The following ZSWIM5 variants were observed in gnomAD, a reference collection of about 807,000 sequenced individuals.
ZSWIM5 encodes zinc finger SWIM-type containing 5.
A neutral mutation model predicts 119.6 loss-of-function variants in ZSWIM5; 55 were observed. The ratio of observed to expected loss-of-function variants is 0.46; its 90% CI spans 0.37 to 0.58. ZSWIM5 has a LOEUF of 0.58. Ranked by LOEUF, ZSWIM5 falls within the 20% of genes least tolerant of loss-of-function variation. ZSWIM5 has a pLI of 0.00. For synonymous variants in ZSWIM5, 537 were observed against 606.9 expected, an observed-to-expected ratio of 0.88 and a Z score of 1.69; for missense variants, 1,193 against 1,512.8, an observed-to-expected ratio of 0.79 and a Z score of 3.51.
chr1:45,126,917 T>C (rs979316861), intron 1 of ZSWIM5, among the ~76,000 whole-genome samples: 1 of 152,176 alleles, frequency 6.6e-6, no homozygotes, highest in African/African-American at 2.4e-5. Context: ...CAGCTCACTA[T>C]GGCCTGGAAC....
chr1:45,101,573 T>C (rs1645439734), intron 1 of ZSWIM5, among the ~76,000 whole-genome samples: 1 of 152,188 alleles, frequency 6.6e-6, no homozygotes, highest in South Asian at 2.1e-4. Context: ...ATCATGCTAC[T>C]ATAAAGACAC....
At chr1:45,140,247 T>C (rs2149033970) in intron 1 of ZSWIM5, among the ~76,000 whole-genome samples, 1 of 152,332 alleles carries the variant, frequency 6.6e-6, no homozygotes, top group East Asian at 1.9e-4. Flanking sequence ...AAAGTTTTAT[T>C]GGGATACAGC....
intron 1 of ZSWIM5, among the ~76,000 whole-genome samples, chr1:45,122,350 C>G (rs1186876950): frequency 6.6e-6 from 1 of 152,196 alleles, no homozygotes; most frequent in African/African-American, 2.4e-5. Flanking sequence ...GCAAAACACT[C>G]AGACTAGTGC....
intron 1 of ZSWIM5, among the ~76,000 whole-genome samples, chr1:45,175,640 C>T (rs547045945): frequency 1.9e-4 from 29 of 151,762 alleles, no homozygotes; most frequent in Admixed American, 5.9e-4. Context: ...TTTGTAGAGA[C>T]GGTGTTTTGC....
At chr1:45,029,587 C>T (rs1047520254) in intron 11 of ZSWIM5, among the ~76,000 whole-genome samples, 3 of 152,190 alleles carry the variant, frequency 2.0e-5, no homozygotes, top group Admixed American at 6.5e-5. Context: ...TACCTTGAGA[C>T]TATATGAATA....
chr1:45,081,289 C>T (rs943959057), intron 2 of ZSWIM5, among the ~76,000 whole-genome samples: 1 of 151,472 alleles, frequency 6.6e-6, no homozygotes, highest in African/African-American at 2.4e-5. Context: ...CCATGGTCTC[C>T]CTCTCCCCAT....
chr1:45,144,965 C>T (rs1188805089), intron 1 of ZSWIM5, among the ~76,000 whole-genome samples: 1 of 151,798 alleles, frequency 6.6e-6, no homozygotes, highest in Non-Finnish European at 1.5e-5. Context: ...TCTAAAAACT[C>T]AAAATAAGAA....
At chr1:45,146,161 C>T (rs1257982901) in intron 1 of ZSWIM5, among the ~76,000 whole-genome samples, 1 of 152,008 alleles carries the variant, frequency 6.6e-6, no homozygotes, top group Non-Finnish European at 1.5e-5. Context: ...CTACAAAAGA[C>T]AGTAAAGAGA....
At chr1:45,140,760 T>C (rs572885882) in intron 1 of ZSWIM5, among the ~76,000 whole-genome samples, 4 of 152,348 alleles carry the variant, frequency 2.6e-5, no homozygotes, top group African/African-American at 9.6e-5. Context: ...AAGCACACTT[T>C]ACTCTCTCCC....
chr1:45,112,038 C>T (rs748735259), intron 1 of ZSWIM5, among the ~76,000 whole-genome samples: 1 of 152,076 alleles, frequency 6.6e-6, no homozygotes, highest in East Asian at 1.9e-4. Flanking sequence ...AATTGACACA[C>T]CATAATTGCA....
At chr1:45,034,504 C>T (rs1644971310) in intron 10 of ZSWIM5, 35 bp from the exon 11 acceptor site, 1 of 1,564,442 alleles carries the variant, frequency 6.4e-7, no homozygotes, top group Non-Finnish European at 8.7e-7. Flanking sequence ...AGCCACCATC[C>T]AGACCCTGGG....
At chr1:45,171,598 A>G (rs886141736) in intron 1 of ZSWIM5, among the ~76,000 whole-genome samples, 1 of 152,082 alleles carries the variant, frequency 6.6e-6, no homozygotes, top group Non-Finnish European at 1.5e-5. Flanking sequence ...AAGATAGGAC[A>G]TCATACTATT....
At chr1:45,033,366 T>A (rs1287107774) in intron 11 of ZSWIM5, among the ~76,000 whole-genome samples, 3 of 152,278 alleles carry the variant, frequency 2.0e-5, no homozygotes, top group Non-Finnish European at 4.4e-5. Flanking sequence ...GGGGGGACAA[T>A]AAGAAGATAC....
intron 1 of ZSWIM5, among the ~76,000 whole-genome samples, chr1:45,089,235 G>C (rs1236409694): frequency 6.6e-6 from 1 of 152,144 alleles, no homozygotes; most frequent in Non-Finnish European, 1.5e-5. Flanking sequence ...CTTTGGCTCA[G>C]CCTCCCAAAG....
intron 2 of ZSWIM5, among the ~76,000 whole-genome samples, chr1:45,075,685 G>C (rs1025354836): frequency 6.6e-6 from 1 of 151,902 alleles, no homozygotes; most frequent in African/African-American, 2.4e-5. Flanking sequence ...CTTTTTATTG[G>C]AGAGTTTAGT....
At chr1:45,184,219 C>G (rs1646042200) in intron 1 of ZSWIM5, among the ~76,000 whole-genome samples, 1 of 152,096 alleles carries the variant, frequency 6.6e-6, no homozygotes, top group Non-Finnish European at 1.5e-5. Context: ...TAAAAACTCT[C>G]AATAAATTAG....
At chr1:45,201,938 C>T (rs147911145) in intron 1 of ZSWIM5, among the ~76,000 whole-genome samples, 4 of 152,014 alleles carry the variant, frequency 2.6e-5, no homozygotes, top group African/African-American at 9.6e-5. Context: ...CTGAGAAATC[C>T]ATTCTTAACG....
At chr1:45,136,294 T>C (rs1330825888) in intron 1 of ZSWIM5, among the ~76,000 whole-genome samples, 1 of 152,192 alleles carries the variant, frequency 6.6e-6, no homozygotes, top group Non-Finnish European at 1.5e-5. Context: ...ATTTATTTCA[T>C]ATATTAAACA....
In ZSWIM5 at chr1:45,034,583, A is replaced by G. The variant is rs563025946; in HGVS notation, c.2292-114T>C. The G allele has an allele frequency of 4.4e-5, 56 of 1,285,574 alleles. No homozygotes were observed. In the Admixed American group the frequency reaches 1.1e-3, roughly 24 times the overall value. The allele number at this position is 1,285,574 out of a possible 1,614,324, so 79.6% of individuals were successfully genotyped here. A position where few individuals can be genotyped will look rare whatever the true frequency, so the allele number is the denominator to read the frequency against. Reference sequence around the variant, plus strand: ...ACTGGGGAGAGGAAAGGATTAACTAAGAGCTTTGAAGGTTTTTAAACCTAT... The same window carrying G: ...ACTGGGGAGAGGAAAGGATTAACTAGGAGCTTTGAAGGTTTTTAAACCTAT... On this transcript the variant is annotated intron_variant, in intron 10 of 13. Coordinates refer to ENST00000359600, the MANE Select transcript of ZSWIM5 (RefSeq NM_020883.2).
Sources: gnomAD v4.1 joint callset for allele counts (sites outside exome capture counted in the v4.1 genomes callset) on GRCh38, gnomAD v4.1.1 for gene constraint, MANE v1.5 for transcripts, NCBI Gene and HGNC (gene_info 2026-07-23, HGNC 2026-07-21) for gene names.